The following NRG3 variants were observed in gnomAD, a reference collection of about 807,000 sequenced individuals.
NRG3 encodes pro-neuregulin-3, membrane-bound isoform.
In NRG3, 31 loss-of-function variants were observed where a neutral mutation model predicts 66.9. The ratio of observed to expected loss-of-function variants is 0.46; its 90% CI spans 0.35 to 0.63. The LOEUF (loss-of-function observed/expected upper bound fraction) is 0.63. NRG3 is among the 20% of genes least tolerant of loss of function. NRG3 has a pLI of 0.00. For synonymous variants in NRG3, 393 were observed against 359.4 expected, an observed-to-expected ratio of 1.09 and a Z score of -1.06; for missense variants, 910 against 878.9, an observed-to-expected ratio of 1.04 and a Z score of -0.45.
intron 4 of NRG3, among the ~76,000 whole-genome samples, chr10:82,923,962 G>A (rs1379226418): frequency 6.6e-6 from 1 of 151,792 alleles, no homozygotes; most frequent in African/African-American, 2.4e-5. Context: ...GCTGGGCATG[G>A]TGGCAGGCAC....
chr10:82,165,499 C>T (rs2071968638), intron 1 of NRG3, among the ~76,000 whole-genome samples: 1 of 151,924 alleles, frequency 6.6e-6, no homozygotes, highest in South Asian at 2.1e-4. Flanking sequence ...TAATATTTTT[C>T]ATACTTTTCA....
At chr10:82,672,843 A>G (rs1444970345) in intron 2 of NRG3, among the ~76,000 whole-genome samples, 1 of 152,136 alleles carries the variant, frequency 6.6e-6, no homozygotes, top group African/African-American at 2.4e-5. Flanking sequence ...TTCGCCTCCC[A>G]GGTTCAAGCA....
At chr10:82,515,673 T>C (rs943574959) in intron 2 of NRG3, among the ~76,000 whole-genome samples, 2 of 152,216 alleles carry the variant, frequency 1.3e-5, no homozygotes, top group Non-Finnish European at 2.9e-5. Context: ...TTCTTCCAAA[T>C]TGTTGACCTG....
chr10:82,753,321 C>T (rs1170824862), intron 3 of NRG3, among the ~76,000 whole-genome samples: 1 of 151,794 alleles, frequency 6.6e-6, no homozygotes, highest in African/African-American at 2.4e-5. Context: ...TAATATTCCT[C>T]CCCAGTGTGT....
chr10:82,473,942 A>G (rs1420445753), intron 2 of NRG3, among the ~76,000 whole-genome samples: 6 of 152,190 alleles, frequency 3.9e-5, no homozygotes, highest in Non-Finnish European at 7.3e-5. Flanking sequence ...CCAGAGGAGA[A>G]GTAGGGGTGT....
intron 1 of NRG3, among the ~76,000 whole-genome samples, chr10:81,984,618 C>T (rs1589687078): frequency 6.6e-6 from 1 of 152,140 alleles, no homozygotes; most frequent in East Asian, 1.9e-4. Flanking sequence ...CCTATTCACT[C>T]GTCAAGAGGC....
At chr10:82,802,577 A>G (rs2061088385) in intron 3 of NRG3, among the ~76,000 whole-genome samples, 1 of 152,216 alleles carries the variant, frequency 6.6e-6, no homozygotes, top group Non-Finnish European at 1.5e-5. Flanking sequence ...AATTGTGTCT[A>G]CATAAAATAT....
intron 1 of NRG3, among the ~76,000 whole-genome samples, chr10:81,946,373 T>C (rs1848841649): frequency 6.6e-6 from 1 of 152,146 alleles, no homozygotes; most frequent in Non-Finnish European, 1.5e-5. Context: ...TTAAGCCACC[T>C]AAGTTGTGGT....
At position 82,762,734 on chromosome 10, in the gene NRG3, G is replaced by A. The variant is rs117058322; in HGVS notation, c.1027+24084G>A. Among the ~76,000 whole-genome samples, 530 of 152,290 alleles carry A rather than the reference G, an allele frequency of 3.5e-3. 1 individual carries two copies. The highest frequency in any genetic ancestry group is 5.2e-3 in the Non-Finnish European group (352 of 68,026). On this transcript the variant is annotated intron_variant, in intron 3 of 8. Coordinates refer to ENST00000372141, the MANE Select transcript of NRG3 (RefSeq NM_001010848.4). The stretch of plus-strand genomic sequence containing the variant: ...AATATATTCCACTGAGAATGTTGTA[G>A]TTATAACACTATATCCTGTACCAAG...
At chr10:82,846,161 C>A (rs76946117) in intron 3 of NRG3, among the ~76,000 whole-genome samples, 1 of 152,060 alleles carries the variant, frequency 6.6e-6, no homozygotes, top group African/African-American at 2.4e-5. Context: ...TTTAGCTATG[C>A]AGCAGATACC....
At chr10:82,183,142 G>C (rs1260381486) in intron 1 of NRG3, among the ~76,000 whole-genome samples, 1 of 151,820 alleles carries the variant, frequency 6.6e-6, no homozygotes, top group Non-Finnish European at 1.5e-5. Flanking sequence ...TCTTGAATCT[G>C]AGTGCATTTT....
intron 1 of NRG3, among the ~76,000 whole-genome samples, chr10:82,283,721 C>T (rs1260147164): frequency 6.6e-6 from 1 of 152,148 alleles, no homozygotes. Flanking sequence ...CATACTGGGT[C>T]ATGGAAGTAG....
intron 4 of NRG3, among the ~76,000 whole-genome samples, chr10:82,911,262 T>A (rs1038717432): frequency 6.6e-6 from 1 of 152,134 alleles, no homozygotes; most frequent in Admixed American, 6.5e-5. Context: ...CCTTGATTCA[T>A]CTTTTCATTA....
At chr10:82,952,748 G>C (rs1357909664) in intron 5 of NRG3, among the ~76,000 whole-genome samples, 1 of 151,682 alleles carries the variant, frequency 6.6e-6, no homozygotes, top group South Asian at 2.1e-4. Flanking sequence ...TTAATTTCCA[G>C]GTATAGTTTG....
intron 3 of NRG3, among the ~76,000 whole-genome samples, chr10:82,824,638 C>A (rs140682875): frequency 6.6e-6 from 1 of 151,504 alleles, no homozygotes; most frequent in East Asian, 1.9e-4. Flanking sequence ...TGAGCATCTT[C>A]TTATGTGCTT....
intron 1 of NRG3, among the ~76,000 whole-genome samples, chr10:82,339,493 G>A (rs191659640): frequency 9.9e-5 from 15 of 152,210 alleles, no homozygotes; most frequent in African/African-American, 3.1e-4. Context: ...TCACTATCAC[G>A]AGAACAGCAT....
chr10:82,119,957 C>T (rs1232192497), intron 1 of NRG3, among the ~76,000 whole-genome samples: 1 of 152,134 alleles, frequency 6.6e-6, no homozygotes, highest in Non-Finnish European at 1.5e-5. Context: ...ACGACCTCTA[C>T]TTCTGTGATT....
At chr10:81,977,705 C>T (rs2347331) in intron 1 of NRG3, among the ~76,000 whole-genome samples, 2 of 151,940 alleles carry the variant, frequency 1.3e-5, no homozygotes, top group Non-Finnish European at 2.9e-5. Flanking sequence ...TTTGAAAGTT[C>T]GTTTCTGGTC....
intron 2 of NRG3, among the ~76,000 whole-genome samples, chr10:82,614,898 C>CA (rs551919378): frequency 1.0e-3 from 146 of 143,454 alleles, no homozygotes; most frequent in Middle Eastern, 3.6e-3. Flanking sequence ...TATATATTTC[C>CA]AAAAAAAAAA....
Sources: gnomAD v4.1 joint callset for allele counts (sites outside exome capture counted in the v4.1 genomes callset) on GRCh38, gnomAD v4.1.1 for gene constraint, MANE v1.5 for transcripts, NCBI Gene and HGNC (gene_info 2026-07-23, HGNC 2026-07-21) for gene names.